GOLM2: variants seen among roughly 807,000 people sequenced by gnomAD.
GOLM2 encodes the protein golgi membrane protein 2, also known as protein GOLM2.
Under a neutral mutation model 55.9 loss-of-function variants are expected in GOLM2, and 26 were observed. The ratio of observed to expected loss-of-function variants is 0.47; its 90% CI spans 0.34 to 0.65. The LOEUF (loss-of-function observed/expected upper bound fraction) is 0.65. GOLM2 is among the 30% of genes least tolerant of loss of function. The probability of loss-of-function intolerance (pLI) is 0.01; values close to 1 mark genes in which losing one functional copy is unlikely to be tolerated. For missense variants in GOLM2, 486 were observed against 531.8 expected, an observed-to-expected ratio of 0.91 and a Z score of 0.85; for synonymous variants, 165 against 194.6, an observed-to-expected ratio of 0.85 and a Z score of 1.27.
intron 1 of GOLM2, among the ~76,000 whole-genome samples, chr15:44,322,066 G>A (rs546139517): frequency 4.0e-5 from 6 of 151,280 alleles, no homozygotes; most frequent in Non-Finnish European, 7.4e-5. Context: ...AAAAAAAAAA[G>A]TTTAAAAATA....
At chr15:44,301,886 C>T (rs2078800192) in intron 1 of GOLM2, among the ~76,000 whole-genome samples, 1 of 150,454 alleles carries the variant, frequency 6.6e-6, no homozygotes. Flanking sequence ...GCACTCCATC[C>T]TGGGCTACAG....
At chr15:44,310,436 C>T (rs2078865533) in intron 1 of GOLM2, among the ~76,000 whole-genome samples, 1 of 143,372 alleles carries the variant, frequency 7.0e-6, no homozygotes, top group African/African-American at 2.6e-5. Context: ...GAGAGTCTCT[C>T]TTTCTCTCTC....
intron 6 of GOLM2, among the ~76,000 whole-genome samples, chr15:44,379,145 A>T (rs1170891760): frequency 6.6e-6 from 1 of 152,146 alleles, no homozygotes; most frequent in Admixed American, 6.6e-5. Context: ...TTGTACTGTC[A>T]TGGAGCTTAT....
chr15:44,384,346 C>T (rs1052148606), intron 8 of GOLM2, among the ~76,000 whole-genome samples: 1 of 152,160 alleles, frequency 6.6e-6, no homozygotes, highest in Non-Finnish European at 1.5e-5. Flanking sequence ...GGCGCGGTGG[C>T]TCATGCCTGT....
intron 6 of GOLM2, among the ~76,000 whole-genome samples, chr15:44,377,216 T>C (rs1431492361): frequency 2.0e-5 from 3 of 151,872 alleles, no homozygotes; most frequent in Non-Finnish European, 4.4e-5. Flanking sequence ...CTACAAAAAA[T>C]AAAATATTAG....
intron 8 of GOLM2, 22 bp from the exon 9 acceptor site, chr15:44,402,865 T>C (rs2079574488): frequency 6.2e-7 from 1 of 1,612,066 alleles, no homozygotes. Flanking sequence ...ACTCTTGAAT[T>C]AATCCTCTAC....
At chr15:44,390,202 T>C (rs745583681) in intron 8 of GOLM2, 3 of 152,218 alleles carry the variant, frequency 2.0e-5, no homozygotes, top group Non-Finnish European at 4.4e-5. Flanking sequence ...GTAGGCTATG[T>C]GGTGACACAA....
chr15:44,301,686 C>T (rs1395023733), intron 1 of GOLM2, among the ~76,000 whole-genome samples: 1 of 151,984 alleles, frequency 6.6e-6, no homozygotes, highest in Non-Finnish European at 1.5e-5. Context: ...ATAAGAGGCT[C>T]AGGAGAGATG....
chr15:44,293,871 G>A lies in GOLM2; in HGVS notation c.327+4515G>A, dbSNP rs1052742624. Among the ~76,000 whole-genome samples the A allele has an allele frequency of 1.1e-4, 17 of 152,224 alleles. 2 individuals are homozygous for A. The highest frequency in any genetic ancestry group is 3.9e-4 in the Admixed American group (6 of 15,288). On this transcript the variant is annotated intron_variant, in intron 1 of 9. Transcript: ENST00000299957. ...GGTAGTTATGTTTTTCCTCCTTAAG[G>A]ACAGAGTATCAACATAAACTATATG... is the stretch of plus-strand genomic sequence containing the variant.
At chr15:44,318,622 C>T (rs1186872837) in intron 1 of GOLM2, among the ~76,000 whole-genome samples, 2 of 150,982 alleles carry the variant, frequency 1.3e-5, no homozygotes, top group African/African-American at 2.4e-5. Flanking sequence ...GGCAGGAGAA[C>T]GACTTGAACC....
At chr15:44,292,445 C>G (rs983775168) in intron 1 of GOLM2, among the ~76,000 whole-genome samples, 1 of 152,134 alleles carries the variant, frequency 6.6e-6, no homozygotes, top group Non-Finnish European at 1.5e-5. Context: ...ATCCACCAGC[C>G]TTGGCCTCCC....
chr15:44,413,566 A>G lies in GOLM2; in HGVS notation c.*160A>G, dbSNP rs1035025307. The stretch of plus-strand genomic sequence containing the variant: ...TTAATGAAGGAATGTACCCATGTAC[A>G]TATGTGAACTTTTTCATATTGTATT... On this transcript the variant is annotated 3_prime_UTR_variant, in exon 10 of 10. Coordinates refer to ENST00000299957, the MANE Select transcript of GOLM2 (RefSeq NM_138423.4). The G allele has an allele frequency of 3.2e-5, 17 of 528,990 alleles. No individual in the cohort carries two copies. Among genetic ancestry groups the G allele is most frequent in the African/African-American group, 2.5e-4 (13 of 51,006 alleles). 32.8% of individuals were successfully genotyped at this position (528,990 alleles called of 1,614,324 possible).
chr15:44,325,045 G>A (rs1394228954), intron 2 of GOLM2, among the ~76,000 whole-genome samples: 1 of 152,118 alleles, frequency 6.6e-6, no homozygotes, highest in Non-Finnish European at 1.5e-5. Flanking sequence ...TTTAAGTTCA[G>A]GGGTACATGT....
chr15:44,299,299 T>G (rs59859293), intron 1 of GOLM2, among the ~76,000 whole-genome samples: 2,740 of 141,414 alleles, frequency 0.019, 92 homozygotes, highest in African/African-American at 0.071. Context: ...ATTGTTTTTG[T>G]TTTTTTTTTT....
Position 44,332,084 on chromosome 15 carries a change from T to C in GOLM2, c.576+6T>C, listed in dbSNP as rs1192033715. 4 of 1,387,366 alleles carry C rather than the reference T, an allele frequency of 2.9e-6. No individual in the cohort carries two copies. Among genetic ancestry groups the C allele is most frequent in the Non-Finnish European group, 4.0e-6 (4 of 992,106 alleles). 85.9% of individuals were successfully genotyped at this position (1,387,366 alleles called of 1,614,324 possible). A position where few individuals can be genotyped will look rare whatever the true frequency, so the allele number is the denominator to read the frequency against. On this transcript the variant is annotated splice_donor_region_variant and intron_variant, in intron 4 of 9. Coordinates refer to ENST00000299957, the MANE Select transcript of GOLM2 (RefSeq NM_138423.4). The stretch of plus-strand genomic sequence containing the variant: ...AGTTTTTAGAGGAACAAAAGGTAAA[T>C]TTTAAAAATATACTTAAATCCAAAT...
chr15:44,328,837 G>T, intron 3 of GOLM2, 50 bp downstream of exon 3: 1 of 1,210,044 alleles, frequency 8.3e-7, no homozygotes. Flanking sequence ...TATTTGTCCA[G>T]CTTTTGGACT....
At chr15:44,370,313 T>G (rs1595654160) in intron 6 of GOLM2, among the ~76,000 whole-genome samples, 1 of 152,336 alleles carries the variant, frequency 6.6e-6, no homozygotes, top group African/African-American at 2.4e-5. Context: ...GCTTTGGTTT[T>G]TTGCTTCATT....
chr15:44,314,581 C>T (rs1469988631), intron 1 of GOLM2, among the ~76,000 whole-genome samples: 5 of 151,004 alleles, frequency 3.3e-5, no homozygotes, highest in Non-Finnish European at 5.9e-5. Context: ...AAAAATGTAA[C>T]TGATAACTGG....
At chr15:44,317,579 G>T (rs2078919605) in intron 1 of GOLM2, among the ~76,000 whole-genome samples, 1 of 152,048 alleles carries the variant, frequency 6.6e-6, no homozygotes, top group African/African-American at 2.4e-5. Flanking sequence ...TGTAGTTGTT[G>T]GTGTCAGGTT....
Sources: allele counts gnomAD v4.1 joint callset (sites outside exome capture counted in the v4.1 genomes callset), GRCh38; gene constraint gnomAD v4.1.1; transcripts MANE v1.5; gene names NCBI Gene and HGNC (gene_info 2026-07-23, HGNC 2026-07-21).